SEC31B: variants seen among roughly 807,000 people sequenced by gnomAD.
SEC31B encodes the protein protein transport protein Sec31B.
Under a neutral mutation model 135.0 loss-of-function variants are expected in SEC31B, and 113 were observed. The observed-to-expected ratio is 0.84, with a 90% CI of 0.72 to 0.98. SEC31B has a LOEUF of 0.98. Among genes scored for constraint, SEC31B ranks in the 50% least tolerant of loss-of-function variants. The probability of loss-of-function intolerance (pLI) is 0.00; values close to 1 mark genes in which losing one functional copy is unlikely to be tolerated. For synonymous variants in SEC31B, 508 were observed against 549.4 expected, an observed-to-expected ratio of 0.92 and a Z score of 1.05; for missense variants, 1,296 against 1,421.1, an observed-to-expected ratio of 0.91 and a Z score of 1.42.
chr10:100,487,261 T>G lies in SEC31B; in HGVS notation c.*355A>C. The G allele has an allele frequency of 4.0e-6, 1 of 252,222 alleles. No individual in the cohort carries two copies. The highest frequency in any genetic ancestry group is 4.9e-5 in the South Asian group (1 of 20,210). 15.6% of individuals were successfully genotyped at this position (252,222 alleles called of 1,614,324 possible). ...ATGATGGGTCACAGCAGAGGTAGGC[T>G]TAAAAGTAACAATCCTGTTCACCCT... On this transcript the variant is annotated 3_prime_UTR_variant, in exon 26 of 26. Coordinates refer to ENST00000370345, the MANE Select transcript of SEC31B (RefSeq NM_015490.4).
At chr10:100,495,730 G>C (rs1851395683) in intron 18 of SEC31B, among the ~76,000 whole-genome samples, 184 bp from the exon 19 acceptor site, 1 of 152,006 alleles carries the variant, frequency 6.6e-6, no homozygotes, top group African/African-American at 2.4e-5. Flanking sequence ...CATGGTTTTT[G>C]GTTTGTCTCT....
chr10:100,487,590 C>G lies in SEC31B; in HGVS notation c.*26G>C, dbSNP rs1388726300. ...AGGAGTTATGTAACAGCAGAAGTGG[C>G]CTCCTAGCAAGAGAGGCTGCCTGGT... On this transcript the variant is annotated 3_prime_UTR_variant, in exon 26 of 26. Coordinates refer to ENST00000370345, the MANE Select transcript of SEC31B (RefSeq NM_015490.4). 2.3e-5 allele frequency: 37 copies of G among 1,600,126 alleles called. No individual in the cohort carries two copies. The highest frequency in any genetic ancestry group is 3.1e-5 in the Non-Finnish European group (36 of 1,171,698).
At position 100,490,105 on chromosome 10, in the gene SEC31B, G is replaced by A. The variant is rs1457508204; in HGVS notation, c.2868C>T (p.Ala956=). 4.4e-6 allele frequency: 7 copies of A among 1,586,508 alleles called. No homozygotes were observed. The South Asian group carries it at 7.0e-5, about 16-fold the overall frequency. Residue 956 remains alanine (A), a synonymous_variant, in exon 21 of 26, where the codon GCC becomes GCT. Coordinates refer to ENST00000370345, the MANE Select transcript of SEC31B (RefSeq NM_015490.4). ...ATGGCACAGGGAAGCTTGCAGGAGGGGCTGGGGTGTGGGAGACCATGCGGC... is the reference window on the plus strand; with the variant it reads ...ATGGCACAGGGAAGCTTGCAGGAGGAGCTGGGGTGTGGGAGACCATGCGGC... The part of the protein sequence containing the change: ...GPGRMVSHTP[A]PPASFPVPYL...
At chr10:100,503,916 C>T (rs1011227317) in intron 10 of SEC31B, among the ~76,000 whole-genome samples, 1 of 152,104 alleles carries the variant, frequency 6.6e-6, no homozygotes, top group Non-Finnish European at 1.5e-5. Flanking sequence ...CCAATATCCA[C>T]CTCCTAATGA....
In SEC31B at chr10:100,498,727, A is replaced by G. The variant is rs1364003220; in HGVS notation, c.1662T>C (p.Pro554=). The G allele has an allele frequency of 6.2e-7, 1 of 1,613,448 alleles. No homozygotes were observed. The highest frequency in any genetic ancestry group is 8.5e-7 in the Non-Finnish European group (1 of 1,179,604). Reference sequence around the variant, plus strand: ...TACCTTTTGTGATGGGGATCTCCCAAGGAGTCATGTTCTGAGGGACCAGCT... The same window carrying G: ...TACCTTTTGTGATGGGGATCTCCCAGGGAGTCATGTTCTGAGGGACCAGCT... ...FDELVPQNMT[P]WEIPITKDID... Residue 554 remains proline, a synonymous_variant, in exon 14 of 26, where the codon CCT becomes CCC. Coordinates refer to ENST00000370345, the MANE Select transcript of SEC31B (RefSeq NM_015490.4).
At position 100,516,142 on chromosome 10, in the gene SEC31B, G is replaced by C. The variant is rs1317677099; in HGVS notation, c.157C>G (p.Pro53Ala). 1.9e-6 allele frequency: 3 copies of C among 1,613,962 alleles called. No individual in the cohort carries two copies. ...CCTCTGTGTTTCAAGTCCAGAGAAG[G>C]GTCCCTGAAATCAACCTCAAATATT... ...LEIFEVDFRD[P>A]SLDLKHRGVL... Residue 53 changes from proline (P) to alanine (A), a missense_variant, in exon 3 of 26, where the codon CCT becomes GCT. Physicochemically the swap from Pro to Ala is conservative, Grantham distance 27. Coordinates refer to ENST00000370345, the MANE Select transcript of SEC31B (RefSeq NM_015490.4).
chr10:100,516,177 C>T lies in SEC31B; in HGVS notation c.122G>A (p.Gly41Asp). 6.2e-7 allele frequency: 1 copy of T among 1,613,876 alleles called. No individual in the cohort carries two copies. ...QQLDSSFSTN[G>D]TLEIFEVDFR... is the part of the protein sequence containing the mutation. ...ATCAACCTCAAATATTTCCAATGTG[C>T]CATTTGTGCTGAAGGAGGAATCTAG... The change falls in exon 3 of 26, where the codon GGC becomes GAC. Residue 41 changes from glycine to aspartate, a missense_variant. Physicochemically the swap from Gly to Asp is moderately conservative, Grantham distance 94. Transcript: ENST00000370345.
Position 100,489,416 on chromosome 10 carries a change from A to G in SEC31B, c.3025-18T>C. ...TCTGGCAGCTAAAGAGACAGAAGGA[A>G]AGACATGAGTCTAACCTGAGAGACT... On this transcript the variant is annotated intron_variant, in intron 22 of 25. Coordinates refer to ENST00000370345, the MANE Select transcript of SEC31B (RefSeq NM_015490.4). 1 of 1,612,844 alleles carries G rather than the reference A, an allele frequency of 6.2e-7. No homozygotes were observed. The highest frequency in any genetic ancestry group is 8.5e-7 in the Non-Finnish European group (1 of 1,179,680).
chr10:100,489,433 T>A lies in SEC31B; in HGVS notation c.3025-35A>T, dbSNP rs760867912. 8.1e-6 allele frequency: 13 copies of A among 1,608,298 alleles called. No individual in the cohort carries two copies. In the South Asian group the frequency reaches 1.4e-4, roughly 18 times the overall value. On this transcript the variant is annotated intron_variant, in intron 22 of 25. Coordinates refer to ENST00000370345, the MANE Select transcript of SEC31B (RefSeq NM_015490.4). ...CAGAAGGAAAGACATGAGTCTAACCTGAGAGACTCCATGGCTCTGGTTTTG... is the reference window on the plus strand; with the variant it reads ...CAGAAGGAAAGACATGAGTCTAACCAGAGAGACTCCATGGCTCTGGTTTTG...
chr10:100,515,923 G>C (rs556538649), intron 3 of SEC31B, among the ~76,000 whole-genome samples, 173 bp downstream of exon 3: 2 of 151,830 alleles, frequency 1.3e-5, no homozygotes, highest in African/African-American at 2.4e-5. Context: ...AAGGGGGGGG[G>C]TGGTTGTTTT....
chr10:100,517,975 T>C (rs1401379763), intron 1 of SEC31B, among the ~76,000 whole-genome samples: 3 of 152,254 alleles, frequency 2.0e-5, no homozygotes, highest in African/African-American at 4.8e-5. Context: ...ACAGCCTTTT[T>C]GATTGTATCA....
At chr10:100,515,267 G>A (rs1851808780) in intron 3 of SEC31B, among the ~76,000 whole-genome samples, 1 of 152,178 alleles carries the variant, frequency 6.6e-6, no homozygotes, top group South Asian at 2.1e-4. Flanking sequence ...AATCCAGCCT[G>A]GGCGACAGAG....
chr10:100,510,269 C>T (rs921129327), intron 3 of SEC31B, among the ~76,000 whole-genome samples: 6 of 152,246 alleles, frequency 3.9e-5, no homozygotes, highest in Non-Finnish European at 8.8e-5. Flanking sequence ...AATGGCCTCC[C>T]CACCCCATGC....
intron 18 of SEC31B, 74 bp downstream of exon 18, chr10:100,496,184 G>A: frequency 6.6e-7 from 1 of 1,508,962 alleles, no homozygotes; most frequent in East Asian, 2.3e-5. Context: ...CATAGTGCCT[G>A]GAATATGGAA....
In SEC31B at chr10:100,490,303, T is replaced by C. The variant is rs754967779; in HGVS notation, c.2670A>G (p.Leu890=). The change falls in exon 21 of 26, where the codon CTA becomes CTG. Residue 890 remains leucine, a synonymous_variant. Transcript: ENST00000370345. ...GAACTTGCACCCTTTGCCCTCCTAA[T>C]AGCTGTGGCTGAGATGAAGCTGAAG... ...GVRPASSQPQ[L]LGGQRVQVPN... is the part of the protein sequence containing the mutation. 2 of 1,613,418 alleles carry C rather than the reference T, an allele frequency of 1.2e-6. No homozygotes were observed. The highest frequency in any genetic ancestry group is 2.2e-5 in the South Asian group (2 of 90,956).
chr10:100,511,133 T>C (rs776968204), intron 3 of SEC31B, among the ~76,000 whole-genome samples: 15 of 152,220 alleles, frequency 9.9e-5, no homozygotes, highest in Non-Finnish European at 2.2e-4. Flanking sequence ...AAGAGGGCAG[T>C]TACTTCAGAG....
At chr10:100,511,010 C>A (rs1449936826) in intron 3 of SEC31B, among the ~76,000 whole-genome samples, 1 of 152,178 alleles carries the variant, frequency 6.6e-6, no homozygotes, top group African/African-American at 2.4e-5. Flanking sequence ...CAGTGAAAAA[C>A]CCACATGAAG....
rs375862494 is a variant in SEC31B, at chr10:100,508,015, G to A, written c.532C>T (p.Arg178Trp). The A allele has an allele frequency of 8.7e-6, 14 of 1,614,072 alleles. No individual in the cohort carries two copies. The highest frequency in any genetic ancestry group is 6.7e-5 in the Admixed American group (4 of 60,006). ...PEDIKALSWN[R>W]QAQHILSSAH... ...GAAGACAGAATGTGTTGGGCTTGCC[G>A]GTTCCAAGACAGTGCCTTGATGTCC... Residue 178 changes from arginine to tryptophan, a missense_variant, in exon 6 of 26, where the codon CGG (arginine) becomes TGG (tryptophan). By Grantham distance (101) the Arg-to-Trp change is moderately radical. Transcript: ENST00000370345.
rs1433096258 is a variant in SEC31B, at chr10:100,499,148, C to T, written c.1584+12G>A. 5 of 1,611,300 alleles carry T rather than the reference C, an allele frequency of 3.1e-6. No homozygotes were observed. The highest frequency in any genetic ancestry group is 4.2e-6 in the Non-Finnish European group (5 of 1,177,702). The stretch of plus-strand genomic sequence containing the variant: ...GTTACCATAGGTCAGGCTGACTGGA[C>T]TCCTACCACACCTGGCTGCAGAAGG... On this transcript the variant is annotated intron_variant, in intron 13 of 25. Coordinates refer to ENST00000370345, the MANE Select transcript of SEC31B (RefSeq NM_015490.4).
Sources: allele counts gnomAD v4.1 joint callset (sites outside exome capture counted in the v4.1 genomes callset), GRCh38; gene constraint gnomAD v4.1.1; transcripts MANE v1.5; gene names NCBI Gene and HGNC (gene_info 2026-07-23, HGNC 2026-07-21).